The following MTR variants were observed in gnomAD, a reference collection of about 807,000 sequenced individuals.
The protein encoded by MTR is methionine synthase.
In MTR, 84 loss-of-function variants were observed where a neutral mutation model predicts 154.8. That is an observed-to-expected ratio of 0.54 (90% CI 0.45 to 0.65). The LOEUF is 0.65. Ranked by LOEUF, MTR falls within the 30% of genes least tolerant of loss-of-function variation. The pLI is 0.00. For synonymous variants in MTR, 554 were observed against 553.9 expected, an observed-to-expected ratio of 1.00 and a Z score of 0.00; for missense variants, 1,275 against 1,570.2, an observed-to-expected ratio of 0.81 and a Z score of 3.18.
rs115718777 is a variant in MTR, at chr1:236,815,478, C to T, written c.610-126C>T. ...GTGCCTTATAAGGAAGACACTTCTT[C>T]CCAGAGAGCTTGATGTATATCTTAT... is the stretch of plus-strand genomic sequence containing the variant. On this transcript the variant is annotated intron_variant, in intron 6 of 32. Coordinates refer to ENST00000366577, the MANE Select transcript of MTR (RefSeq NM_000254.3). 3.5e-3 allele frequency: 3,202 copies of T among 917,052 alleles called. 11 individuals are homozygous for T. The highest frequency in any genetic ancestry group is 4.9e-3 in the Non-Finnish European group (2,755 of 561,842). 56.8% of individuals were successfully genotyped at this position (917,052 alleles called of 1,614,324 possible).
Position 236,891,290 on chromosome 1 carries a change from T to A in MTR, c.3165T>A (p.Ala1055=). Residue 1055 remains alanine (A), a synonymous_variant, in exon 29 of 33, where the codon GCT becomes GCA. Transcript: ENST00000366577. The part of the protein sequence containing the change: ...HLYAEAAVPQ[A]AEPIATFYGL... ...ACGCAGAGGCTGCTGTGCCCCAGGC[T>A]GCAGAGCCCATAGCCACCTTCTATG... 1 of 1,614,174 alleles carries A rather than the reference T, an allele frequency of 6.2e-7. No individual in the cohort carries two copies.
intron 1 of MTR, 131 bp downstream of exon 1, chr1:236,795,868 C>G: frequency 4.2e-6 from 6 of 1,417,850 alleles, no homozygotes; most frequent in Non-Finnish European, 4.9e-6. Context: ...TGGGCGGCAC[C>G]TTTAGAACTT....
At chr1:236,844,912 G>T (rs988753085) in intron 15 of MTR, among the ~76,000 whole-genome samples, 1 of 152,132 alleles carries the variant, frequency 6.6e-6, no homozygotes, top group Non-Finnish European at 1.5e-5. Flanking sequence ...TTGAAAAATC[G>T]TACACACTCC....
intron 28 of MTR, among the ~76,000 whole-genome samples, chr1:236,890,618 T>C (rs774394652): frequency 5.3e-5 from 8 of 152,224 alleles, no homozygotes; most frequent in Non-Finnish European, 1.2e-4. Context: ...CTTGTTTAAC[T>C]CTTCATGGTA....
At chr1:236,855,454 A>G (rs1485219371) in intron 18 of MTR, among the ~76,000 whole-genome samples, 2 of 152,200 alleles carry the variant, frequency 1.3e-5, no homozygotes, top group Non-Finnish European at 1.5e-5. Context: ...ACCCTAATGG[A>G]GGCCAGGCCT....
chr1:236,822,322 T>G lies in MTR; in HGVS notation c.765-1797T>G, dbSNP rs967663197. On this transcript the variant is annotated intron_variant, in intron 8 of 32. Coordinates refer to ENST00000366577, the MANE Select transcript of MTR (RefSeq NM_000254.3). ...TGTGGGGTTTTTTTTGTTTTTTTTT[T>G]TTTTTGAGACAGCATCTTGCTGTGT... is the stretch of plus-strand genomic sequence containing the variant. Among the ~76,000 whole-genome samples the G allele has an allele frequency of 4.0e-5, 6 of 150,176 alleles. No individual in the cohort carries two copies. In the South Asian group the frequency reaches 1.3e-3, roughly 32 times the overall value.
At chr1:236,884,913 A>G (rs867311555) in intron 25 of MTR, among the ~76,000 whole-genome samples, 3 of 152,332 alleles carry the variant, frequency 2.0e-5, no homozygotes, top group Middle Eastern at 3.4e-3. Flanking sequence ...GTCAAAGGCC[A>G]GTCCCTTCTT....
At chr1:236,799,993 G>T in intron 1 of MTR, 1 of 934,074 alleles carries the variant, frequency 1.1e-6, no homozygotes, top group South Asian at 4.9e-5. Flanking sequence ...TGCATGTGTG[G>T]GGCTGGGTTG....
Position 236,869,827 on chromosome 1 carries a change from G to A in MTR, c.2406-3946G>A, listed in dbSNP as rs182559499. 7.2e-5 allele frequency among the ~76,000 whole-genome samples: 11 copies of A among 152,258 alleles called. No individual in the cohort carries two copies. The East Asian group carries it at 1.2e-3, about 16-fold the overall frequency. On this transcript the variant is annotated intron_variant, in intron 22 of 32. Coordinates refer to ENST00000366577, the MANE Select transcript of MTR (RefSeq NM_000254.3). ...GGATTCCTAGCTAGTTCAGGACTCT[G>A]GGCCCTCATAGTGCTGGTCTCTGCC...
At position 236,873,830 on chromosome 1, in the gene MTR, C is replaced by T. The variant is rs769849504; in HGVS notation, c.2463C>T (p.Asp821=). 5.0e-6 allele frequency: 8 copies of T among 1,613,860 alleles called. No homozygotes were observed. Among genetic ancestry groups the T allele is most frequent in the Non-Finnish European group, 6.8e-6 (8 of 1,179,786 alleles). Residue 821 remains aspartate, a synonymous_variant, in exon 23 of 33, where the codon GAC becomes GAT. Transcript: ENST00000366577. ...ATAAGATACTGAAAGCTGCTCTTGA[C>T]CACAAAGCAGGTACTGTGCAACTAT... is the stretch of plus-strand genomic sequence containing the variant. ...PCDKILKAAL[D]HKADIIGLSG... is the part of the protein sequence containing the mutation.
intron 22 of MTR, among the ~76,000 whole-genome samples, chr1:236,871,516 TA>T (rs142168698): frequency 2.8e-4 from 43 of 151,182 alleles, no homozygotes; most frequent in South Asian, 6.3e-4. Flanking sequence ...TATACAATGT[TA>T]AAAAAAAAAT....
chr1:236,819,432 T>G (rs1173485094), intron 8 of MTR, among the ~76,000 whole-genome samples: 1 of 152,232 alleles, frequency 6.6e-6, no homozygotes, highest in Non-Finnish European at 1.5e-5. Context: ...GCTCGATAGC[T>G]TATTTCTTTT....
chr1:236,808,951 A>G (rs565069264), intron 4 of MTR, among the ~76,000 whole-genome samples, 178 bp downstream of exon 4: 35 of 152,352 alleles, frequency 2.3e-4, no homozygotes, highest in Admixed American at 2.0e-3. Context: ...CAAGCACTCA[A>G]CATCTTTGAA....
intron 18 of MTR, among the ~76,000 whole-genome samples, chr1:236,857,951 G>A (rs1664297371): frequency 6.6e-6 from 1 of 152,216 alleles, no homozygotes; most frequent in African/African-American, 2.4e-5. Context: ...TTTGCATGTA[G>A]CCAGAGTCTG....
chr1:236,883,107 G>A (rs374920958), intron 25 of MTR, among the ~76,000 whole-genome samples: 5 of 152,306 alleles, frequency 3.3e-5, no homozygotes, highest in African/African-American at 9.6e-5. Flanking sequence ...TAAAAAACGA[G>A]GTGCCAATAT....
At chr1:236,870,125 A>G (rs546403401) in intron 22 of MTR, among the ~76,000 whole-genome samples, 4 of 152,298 alleles carry the variant, frequency 2.6e-5, no homozygotes, top group South Asian at 2.1e-4. Flanking sequence ...GCTGTGAGCA[A>G]CTTCCTTTGT....
In MTR at chr1:236,852,508, A is replaced by C. The variant is rs1663968661; in HGVS notation, c.1696-13A>C. On this transcript the variant is annotated splice_polypyrimidine_tract_variant and intron_variant, in intron 16 of 32. Coordinates refer to ENST00000366577, the MANE Select transcript of MTR (RefSeq NM_000254.3). ...AAAAGGGGAATCTTTTCATATTTTAAAATTTTTGCCAGGAAACATTACCTG... is the reference window on the plus strand; with the variant it reads ...AAAAGGGGAATCTTTTCATATTTTACAATTTTTGCCAGGAAACATTACCTG... 1.2e-6 allele frequency: 2 copies of C among 1,602,060 alleles called. No homozygotes were observed. Among genetic ancestry groups the C allele is most frequent in the African/African-American group, 2.7e-5 (2 of 74,758 alleles).
At chr1:236,858,963 G>A (rs1220013819) in intron 18 of MTR, among the ~76,000 whole-genome samples, 1 of 152,128 alleles carries the variant, frequency 6.6e-6, no homozygotes, top group Non-Finnish European at 1.5e-5. Flanking sequence ...AAATTCCTAT[G>A]TACTTAGTCT....
chr1:236,857,314 C>A (rs1664266138), intron 18 of MTR, among the ~76,000 whole-genome samples: 1 of 152,040 alleles, frequency 6.6e-6, no homozygotes, highest in South Asian at 2.1e-4. Context: ...TTATATTTGT[C>A]CTTTCCTTTC....
Sources: gnomAD v4.1 joint callset for allele counts (sites outside exome capture counted in the v4.1 genomes callset) on GRCh38, gnomAD v4.1.1 for gene constraint, MANE v1.5 for transcripts, NCBI Gene and HGNC (gene_info 2026-07-23, HGNC 2026-07-21) for gene names.